Variants in WDR17 observed in about 807,000 individuals in gnomAD.
The protein encoded by WDR17 is WD repeat domain 17.
WDR17 carries 143 observed loss-of-function variants against 161.7 expected under a neutral mutation model. The observed-to-expected ratio is 0.88, with a 90% confidence interval of 0.77 to 1.02. The LOEUF is 1.02. Ranked by LOEUF, WDR17 falls within the 50% of genes least tolerant of loss-of-function variation. The pLI, the probability that WDR17 is intolerant of heterozygous loss-of-function variation, is 0.00. For synonymous variants in WDR17, 517 were observed against 515.6 expected (o/e 1.00, Z -0.04); for missense variants, 1,469 against 1,520.9 (o/e 0.97, Z 0.57).
intron 28 of WDR17, 94 bp from the exon 29 acceptor site, chr4:176,179,364 GTT>G (rs75391699): frequency 6.5e-6 from 8 of 1,227,484 alleles, no homozygotes; most frequent in Admixed American, 3.1e-5. Flanking sequence ...TAAATATTAT[GTT>G]TTTTTTTATT....
intron 7 of WDR17, among the ~76,000 whole-genome samples, chr4:176,133,812 G>A (rs1405013567): frequency 1.3e-5 from 2 of 151,216 alleles, no homozygotes; most frequent in Non-Finnish European, 3.0e-5. Context: ...CATTCTAAAA[G>A]GTGTACTTCC....
chr4:176,070,067 C>T lies in WDR17; in HGVS notation c.-7+3988C>T, dbSNP rs560671871. On this transcript the variant is annotated intron_variant, in intron 1 of 28. Coordinates refer to ENST00000508596, the MANE Select transcript of WDR17 (RefSeq NM_181265.4). ...AACACCGTTATTCTGTTAATGAGGA[C>T]ACTAAACACATAAAAATTATGTTCT... is the stretch of plus-strand genomic sequence containing the variant. Among the ~76,000 whole-genome samples the T allele has an allele frequency of 2.6e-5, 4 of 152,198 alleles. No homozygotes were observed. In the South Asian group the frequency reaches 8.3e-4, roughly 32 times the overall value.
In WDR17 at chr4:176,150,026, T is replaced by C. The variant is rs1424249858; in HGVS notation, c.2048-17T>C. On this transcript the variant is annotated splice_polypyrimidine_tract_variant and intron_variant, in intron 14 of 28. Transcript: ENST00000508596. ...TTATGAGAAATCTTTTCTCACTGAA[T>C]TATGTCTGTTCTTCAGATTATGCTA... 2.5e-6 allele frequency: 4 copies of C among 1,612,674 alleles called. No homozygotes were observed. The highest frequency in any genetic ancestry group is 2.5e-6 in the Non-Finnish European group (3 of 1,179,650).
intron 18 of WDR17, 81 bp from the exon 19 acceptor site, chr4:176,159,912 AG>A (rs1387971167): frequency 1.5e-6 from 2 of 1,322,054 alleles, no homozygotes; most frequent in African/African-American, 2.9e-5. Context: ...TACAAATTTT[AG>A]CCATACTTTC....
intron 1 of WDR17, chr4:176,096,435 T>C: frequency 9.2e-7 from 1 of 1,092,020 alleles, no homozygotes; most frequent in East Asian, 2.6e-5. Context: ...AAATCTTGTT[T>C]GGTTGAAACA....
intron 7 of WDR17, among the ~76,000 whole-genome samples, chr4:176,134,481 TTA>T (rs1290686060): frequency 1.3e-5 from 2 of 151,668 alleles, no homozygotes; most frequent in African/African-American, 4.8e-5. Flanking sequence ...ATATACCACT[TTA>T]TAGTCTTGTG....
chr4:176,083,866 G>T (rs1030846673), intron 1 of WDR17, among the ~76,000 whole-genome samples: 3 of 152,090 alleles, frequency 2.0e-5, no homozygotes, highest in Non-Finnish European at 4.4e-5. Context: ...TCCTTCTGTT[G>T]GGAGGGCAGC....
chr4:176,076,069 G>T (rs1733930397), intron 1 of WDR17, among the ~76,000 whole-genome samples: 1 of 151,812 alleles, frequency 6.6e-6, no homozygotes, highest in Non-Finnish European at 1.5e-5. Flanking sequence ...GGTGAAAAAT[G>T]ATGCCAATCT....
intron 1 of WDR17, among the ~76,000 whole-genome samples, chr4:176,100,858 G>A (rs1260508986): frequency 6.6e-6 from 1 of 151,846 alleles, no homozygotes; most frequent in Non-Finnish European, 1.5e-5. Context: ...TCCTCACTCT[G>A]TGTTCTTGTT....
chr4:176,110,299 G>A (rs1041816505), intron 1 of WDR17, among the ~76,000 whole-genome samples: 18 of 151,918 alleles, frequency 1.2e-4, no homozygotes, highest in East Asian at 1.9e-4. Flanking sequence ...CCGTCACCAC[G>A]CCCGGCTAAT....
intron 7 of WDR17, among the ~76,000 whole-genome samples, chr4:176,133,767 A>G (rs1743939660): frequency 6.6e-6 from 1 of 151,592 alleles, no homozygotes; most frequent in Admixed American, 6.6e-5. Flanking sequence ...ATATTTTTTA[A>G]AATCTTACAT....
chr4:176,085,133 TA>T (rs538524482), intron 1 of WDR17, among the ~76,000 whole-genome samples: 5 of 151,984 alleles, frequency 3.3e-5, no homozygotes, highest in African/African-American at 7.2e-5. Flanking sequence ...TTTTCATACA[TA>T]AAAAAAATCT....
intron 4 of WDR17, among the ~76,000 whole-genome samples, chr4:176,121,782 A>G (rs1324621953): frequency 6.6e-6 from 1 of 152,220 alleles, no homozygotes; most frequent in Non-Finnish European, 1.5e-5. Context: ...TGACATAGAA[A>G]TAACAGAAAA....
At chr4:176,098,833 A>G (rs910952837) in intron 1 of WDR17, among the ~76,000 whole-genome samples, 166 of 151,910 alleles carry the variant, frequency 1.1e-3, no homozygotes, top group Middle Eastern at 3.4e-3. Flanking sequence ...TGAAATAGCT[A>G]TTTTATTTTG....
chr4:176,100,529 C>G (rs939207961), intron 1 of WDR17, among the ~76,000 whole-genome samples: 2 of 151,996 alleles, frequency 1.3e-5, no homozygotes, highest in Admixed American at 1.3e-4. Context: ...TCCTATTCTG[C>G]AGGTTGTGTG....
At chr4:176,174,875 G>A (rs1474934809) in intron 26 of WDR17, among the ~76,000 whole-genome samples, 157 bp downstream of exon 26, 2 of 152,162 alleles carry the variant, frequency 1.3e-5, no homozygotes, top group African/African-American at 4.8e-5. Flanking sequence ...ACATAAATTA[G>A]GGATGCATTG....
chr4:176,166,124 C>T (rs1439079646), intron 22 of WDR17: 2 of 1,077,416 alleles, frequency 1.9e-6, no homozygotes, highest in East Asian at 5.7e-5. Context: ...TTTCCTTTAG[C>T]TTTCCATGTG....
At chr4:176,066,512 G>A (rs1189653186) in intron 1 of WDR17, among the ~76,000 whole-genome samples, 2 of 152,072 alleles carry the variant, frequency 1.3e-5, no homozygotes, top group Admixed American at 1.3e-4. Context: ...GAGTAAAAAG[G>A]AAATGCGTTC....
intron 1 of WDR17, among the ~76,000 whole-genome samples, chr4:176,076,722 C>T (rs995172772): frequency 4.0e-5 from 6 of 151,584 alleles, no homozygotes; most frequent in African/African-American, 9.7e-5. Context: ...TTATTTTAGC[C>T]ATCTCATCCT....
Sources: gnomAD v4.1 joint callset for allele counts (sites outside exome capture counted in the v4.1 genomes callset) on GRCh38, gnomAD v4.1.1 for gene constraint, MANE v1.5 for transcripts, NCBI Gene and HGNC (gene_info 2026-07-23, HGNC 2026-07-21) for gene names.